Variants in SPIDR observed in about 807,000 individuals in gnomAD.
SPIDR encodes the protein scaffold protein involved in DNA repair, also known as DNA repair-scaffolding protein.
SPIDR carries 93 observed loss-of-function variants against 104.6 expected under a neutral mutation model. That is an observed-to-expected ratio of 0.89 (90% CI 0.75 to 1.06). The LOEUF (loss-of-function observed/expected upper bound fraction) is 1.06, where lower values mean the gene tolerates loss of function less well. Ranked by LOEUF, SPIDR falls within the 50% of genes least tolerant of loss-of-function variation. SPIDR has a pLI of 0.00. For missense variants in SPIDR, 1,154 were observed against 1,111.2 expected (o/e 1.04, Z -0.55); for synonymous variants, 431 against 416.9 (o/e 1.03, Z -0.41).
intron 1 of SPIDR, among the ~76,000 whole-genome samples, chr8:47,274,381 A>G (rs951837337): frequency 1.3e-4 from 20 of 152,238 alleles, no homozygotes; most frequent in Admixed American, 3.3e-4. Flanking sequence ...TTTAAATTCT[A>G]TGTTCATTAC....
intron 10 of SPIDR, among the ~76,000 whole-genome samples, chr8:47,637,916 TC>T (rs1270998701): frequency 6.6e-6 from 1 of 152,212 alleles, no homozygotes; most frequent in Non-Finnish European, 1.5e-5. Context: ...TGTTTGGAAT[TC>T]CTCTGCATGT....
At chr8:47,465,111 A>G (rs1300401718) in intron 8 of SPIDR, among the ~76,000 whole-genome samples, 1 of 152,214 alleles carries the variant, frequency 6.6e-6, no homozygotes, top group East Asian at 1.9e-4. Context: ...TGTCATATCC[A>G]GCCAAACTAA....
In SPIDR at chr8:47,735,643, A is replaced by T; in HGVS notation, c.*193A>T. The T allele has an allele frequency of 1.7e-6, 2 of 1,151,110 alleles. No individual in the cohort carries two copies. The highest frequency in any genetic ancestry group is 2.4e-6 in the Non-Finnish European group (2 of 842,590). The allele number at this position is 1,151,110 out of a possible 1,614,324, so 71.3% of individuals were successfully genotyped here. A position where few individuals can be genotyped will look rare whatever the true frequency, so the allele number is the denominator to read the frequency against. On this transcript the variant is annotated 3_prime_UTR_variant, in exon 20 of 20. Transcript: ENST00000297423. The stretch of plus-strand genomic sequence containing the variant: ...TGTAAATCAAAATACCTTTTTCTAC[A>T]GTTTATCTTTTATTTTCTGCAAATT...
chr8:47,441,733 A>G (rs1396987824), intron 8 of SPIDR, among the ~76,000 whole-genome samples: 1 of 152,050 alleles, frequency 6.6e-6, no homozygotes, highest in Non-Finnish European at 1.5e-5. Flanking sequence ...ATGAGGTGTA[A>G]AAGTTATTCT....
intron 19 of SPIDR, among the ~76,000 whole-genome samples, chr8:47,735,105 T>G (rs867092850): frequency 1.7e-4 from 22 of 127,462 alleles, no homozygotes; most frequent in Middle Eastern, 7.4e-3. Flanking sequence ...GGTGTGTGTG[T>G]GTGTGGGTGT....
chr8:47,660,854 T>C (rs2073998308), intron 10 of SPIDR: 2 of 663,256 alleles, frequency 3.0e-6, no homozygotes, highest in South Asian at 6.7e-5. Context: ...TGGCCCTTAA[T>C]GAGAGGGAAC....
intron 8 of SPIDR, chr8:47,511,512 C>A: frequency 1.3e-6 from 1 of 780,738 alleles, no homozygotes; most frequent in South Asian, 1.3e-5. Context: ...TGTGGATAGA[C>A]TCCAGAAACT....
intron 5 of SPIDR, among the ~76,000 whole-genome samples, chr8:47,380,486 C>T (rs904957924): frequency 6.6e-6 from 1 of 152,050 alleles, no homozygotes; most frequent in East Asian, 1.9e-4. Flanking sequence ...GCCTTCTCCA[C>T]CCTCCACTCC....
Position 47,472,811 on chromosome 8 carries a change from G to A in SPIDR, c.1097+32269G>A, listed in dbSNP as rs531571534. 5.9e-4 allele frequency among the ~76,000 whole-genome samples: 90 copies of A among 152,310 alleles called. 1 individual carries two copies. Among genetic ancestry groups the A allele is most frequent in the Non-Finnish European group, 4.4e-5 (3 of 68,038 alleles). On this transcript the variant is annotated intron_variant, in intron 8 of 19. Transcript: ENST00000297423. ...TTATAGTTAGAGCAATAAACTTATG[G>A]TTAAATATTAAACATTATTGAATGA...
intron 8 of SPIDR, among the ~76,000 whole-genome samples, chr8:47,531,093 C>T (rs755768793): frequency 5.3e-5 from 8 of 152,020 alleles, no homozygotes; most frequent in South Asian, 2.1e-4. Context: ...AAATGTTTCT[C>T]GCTATGTTGC....
At chr8:47,702,176 T>G (rs1405703562) in intron 14 of SPIDR, among the ~76,000 whole-genome samples, 161 bp downstream of exon 14, 2 of 150,446 alleles carry the variant, frequency 1.3e-5, no homozygotes, top group African/African-American at 2.5e-5. Flanking sequence ...CCTTTGGAAA[T>G]TAATGCATTG....
intron 5 of SPIDR, among the ~76,000 whole-genome samples, chr8:47,340,458 G>C (rs2050533756): frequency 1.3e-5 from 2 of 151,944 alleles, no homozygotes; most frequent in Non-Finnish European, 2.9e-5. Flanking sequence ...TACAAAAACT[G>C]TCTGGACATG....
intron 8 of SPIDR, among the ~76,000 whole-genome samples, chr8:47,519,463 C>T (rs757153071): frequency 1.3e-5 from 2 of 152,092 alleles, no homozygotes; most frequent in Non-Finnish European, 2.9e-5. Context: ...TTCTTTTAAG[C>T]CCCATAACAA....
intron 8 of SPIDR, among the ~76,000 whole-genome samples, chr8:47,559,609 GTGT>G (rs2056820408): frequency 6.6e-6 from 1 of 152,220 alleles, no homozygotes; most frequent in African/African-American, 2.4e-5. Flanking sequence ...TTAAATGCAA[GTGT>G]TGTTGAGAAG....
chr8:47,425,861 T>G (rs1395302608), intron 7 of SPIDR, among the ~76,000 whole-genome samples: 5 of 152,154 alleles, frequency 3.3e-5, no homozygotes, highest in South Asian at 2.1e-4. Context: ...ATTATCATTT[T>G]GTATTGAAAT....
chr8:47,632,779 G>A (rs1239328910), intron 10 of SPIDR, among the ~76,000 whole-genome samples: 1 of 152,140 alleles, frequency 6.6e-6, no homozygotes, highest in Admixed American at 6.6e-5. Context: ...AATGAATAAA[G>A]CACACAAAAT....
chr8:47,329,457 C>G (rs1201516056), intron 5 of SPIDR, among the ~76,000 whole-genome samples: 1 of 152,126 alleles, frequency 6.6e-6, no homozygotes, highest in African/African-American at 2.4e-5. Context: ...GTCTGTCCAC[C>G]TTGGCCTCGC....
intron 5 of SPIDR, among the ~76,000 whole-genome samples, chr8:47,297,505 G>A (rs1354771689): frequency 3.3e-5 from 5 of 151,614 alleles, no homozygotes; most frequent in Admixed American, 6.6e-5. Flanking sequence ...TGTGCAAAAC[G>A]TGCAGGTTTG....
At chr8:47,673,761 A>C in intron 10 of SPIDR, 40 bp from the exon 11 acceptor site, 11 of 1,613,882 alleles carry the variant, frequency 6.8e-6, no homozygotes, top group Non-Finnish European at 9.3e-6. Context: ...TATTAATCCA[A>C]ACTGCCTCCT....
Sources: gnomAD v4.1 joint callset for allele counts (sites outside exome capture counted in the v4.1 genomes callset) on GRCh38, gnomAD v4.1.1 for gene constraint, MANE v1.5 for transcripts, NCBI Gene and HGNC (gene_info 2026-07-23, HGNC 2026-07-21) for gene names.